The following C5 variants were observed in gnomAD, a reference collection of about 807,000 sequenced individuals.
C5 encodes the protein complement C5, also known as C3 and PZP-like alpha-2-macroglobulin domain-containing protein 4.
C5 carries 140 observed loss-of-function variants against 218.8 expected under a neutral mutation model. The observed-to-expected ratio is 0.64, with a 90% confidence interval of 0.56 to 0.74. C5 has a LOEUF of 0.74. Among genes scored for constraint, C5 ranks in the 30% least tolerant of loss-of-function variants. The pLI is 0.00. For synonymous variants in C5, 614 were observed against 682.3 expected, an observed-to-expected ratio of 0.90 and a Z score of 1.56; for missense variants, 1,700 against 1,969.6, an observed-to-expected ratio of 0.86 and a Z score of 2.59.
chr9:120,979,271 C>T (rs1205564934), intron 28 of C5, among the ~76,000 whole-genome samples: 1 of 152,180 alleles, frequency 6.6e-6, no homozygotes, highest in East Asian at 1.9e-4. Context: ...GCTTCTTCAC[C>T]TCCTTTCAGC....
At chr9:121,015,695 A>G (rs1418061325) in intron 15 of C5, among the ~76,000 whole-genome samples, 1 of 152,224 alleles carries the variant, frequency 6.6e-6, no homozygotes, top group East Asian at 1.9e-4. Context: ...TGATTAAGGT[A>G]TGGTTACTAT....
chr9:121,041,360 A>G (rs2047578965), intron 3 of C5, among the ~76,000 whole-genome samples: 1 of 121,710 alleles, frequency 8.2e-6, no homozygotes, highest in Middle Eastern at 6.2e-3. Flanking sequence ...GCTGGAGTGC[A>G]GTGGCTTGAT....
chr9:121,005,605 G>C (rs577818670), intron 20 of C5, among the ~76,000 whole-genome samples: 1 of 152,250 alleles, frequency 6.6e-6, no homozygotes, highest in South Asian at 2.1e-4. Context: ...GGAAATCAAG[G>C]AACTCTGAGT....
chr9:120,964,958 G>C lies in C5; in HGVS notation c.4221-1220C>G, dbSNP rs2046855858. Among the ~76,000 whole-genome samples the C allele has an allele frequency of 2.6e-5, 4 of 152,192 alleles. No individual in the cohort carries two copies. In the South Asian group the frequency reaches 8.3e-4, roughly 32 times the overall value. Reference sequence around the variant, plus strand: ...AAAGAGACAGGCTGGCGGGGCTGAGGCTGGGGCAGAGACAGACGGAGTGTG... The same window carrying C: ...AAAGAGACAGGCTGGCGGGGCTGAGCCTGGGGCAGAGACAGACGGAGTGTG... On this transcript the variant is annotated intron_variant, in intron 33 of 40. Coordinates refer to ENST00000223642, the MANE Select transcript of C5 (RefSeq NM_001735.3).
At chr9:120,969,028 A>G in intron 33 of C5, 33 bp downstream of exon 33, 4 of 1,570,678 alleles carry the variant, frequency 2.5e-6, no homozygotes, top group Non-Finnish European at 3.5e-6. Context: ...GAGAACTTGG[A>G]GTCTATGCTC....
intron 22 of C5, among the ~76,000 whole-genome samples, chr9:120,993,436 T>TA (rs1488769341): frequency 9.3e-5 from 14 of 151,316 alleles, no homozygotes; most frequent in Non-Finnish European, 1.9e-4. Context: ...TATATATATA[T>TA]TTTTGAGACG....
intron 25 of C5, among the ~76,000 whole-genome samples, chr9:120,988,116 T>A (rs1035762721): frequency 6.6e-6 from 1 of 152,204 alleles, no homozygotes; most frequent in Non-Finnish European, 1.5e-5. Context: ...TAGACTGCCA[T>A]ATGGACTCTT....
chr9:120,959,947 G>A (rs2046814690), intron 38 of C5, among the ~76,000 whole-genome samples: 1 of 152,082 alleles, frequency 6.6e-6, no homozygotes, highest in Non-Finnish European at 1.5e-5. Context: ...TACCTCTGTG[G>A]CTTCTCAAAA....
chr9:121,070,224 G>C, the C5 span, among the ~76,000 whole-genome samples: 4 of 151,854 alleles, frequency 2.6e-5, no homozygotes, highest in Middle Eastern at 0.01. Context: ...GGGTATGTTG[G>C]CAGGCGCCTC....
At chr9:120,993,462 G>A (rs911034825) in intron 22 of C5, among the ~76,000 whole-genome samples, 3 of 151,936 alleles carry the variant, frequency 2.0e-5, no homozygotes, top group Non-Finnish European at 2.9e-5. Context: ...TCGCTCTGTC[G>A]CCCAGGCTGG....
chr9:121,001,225 T>C (rs939607779), intron 20 of C5, among the ~76,000 whole-genome samples: 1 of 152,174 alleles, frequency 6.6e-6, no homozygotes, highest in East Asian at 1.9e-4. Context: ...TCTTCAACTA[T>C]GAAATAGATA....
chr9:120,961,362 G>C, intron 37 of C5, 120 bp downstream of exon 37: 1 of 719,800 alleles, frequency 1.4e-6, no homozygotes, highest in South Asian at 1.5e-5. Flanking sequence ...AATTAGCTGA[G>C]ATAGCATTTC....
chr9:120,973,619 T>C (rs1305196435), intron 30 of C5, among the ~76,000 whole-genome samples: 1 of 152,258 alleles, frequency 6.6e-6, no homozygotes, highest in Non-Finnish European at 1.5e-5. Context: ...CATATATCTA[T>C]GTCTATGTTT....
intron 3 of C5, among the ~76,000 whole-genome samples, chr9:121,041,901 C>T (rs2131816881): frequency 6.6e-6 from 1 of 152,300 alleles, no homozygotes; most frequent in East Asian, 1.9e-4. Flanking sequence ...GCAATATCTC[C>T]ACCCCCTTTA....
At chr9:121,025,691 G>T in intron 8 of C5, 111 bp from the exon 9 acceptor site, 1 of 1,042,814 alleles carries the variant, frequency 9.6e-7, no homozygotes, top group Non-Finnish European at 1.5e-6. Flanking sequence ...TCAGAAGAAT[G>T]GTTTAGTGTC....
intron 32 of C5, among the ~76,000 whole-genome samples, chr9:120,969,802 A>G (rs1321244765): frequency 6.6e-6 from 1 of 152,210 alleles, no homozygotes; most frequent in Non-Finnish European, 1.5e-5. Flanking sequence ...GTGATAAGAG[A>G]ATTCAAGGTC....
chr9:120,962,972 G>A lies in C5; in HGVS notation c.4324-5C>T. The A allele has an allele frequency of 6.2e-7, 1 of 1,609,854 alleles. No individual in the cohort carries two copies. The highest frequency in any genetic ancestry group is 1.1e-5 in the South Asian group (1 of 90,986). On this transcript the variant is annotated splice_polypyrimidine_tract_variant and splice_region_variant and intron_variant, in intron 34 of 40. Coordinates refer to ENST00000223642, the MANE Select transcript of C5 (RefSeq NM_001735.3). ...TTGATCCACCCCTTCCACAAGCTAA[G>A]GGGGAAAAGAGAGAAGCTTGAATTT...
In C5 at chr9:120,963,697, T is replaced by C; in HGVS notation, c.4262A>G (p.His1421Arg). 3 of 1,613,812 alleles carry C rather than the reference T, an allele frequency of 1.9e-6. No individual in the cohort carries two copies. The highest frequency in any genetic ancestry group is 2.5e-6 in the Non-Finnish European group (3 of 1,179,758). The change falls in exon 34 of 41, where the codon CAT becomes CGT. Residue 1421 changes from histidine to arginine, a missense_variant. By Grantham distance (29) the His-to-Arg change is conservative. Coordinates refer to ENST00000223642, the MANE Select transcript of C5 (RefSeq NM_001735.3). The stretch of plus-strand genomic sequence containing the variant: ...AGGCAAGGAGATGTCCATCACCGCA[T>C]GAGAGGATCCAGATGATGATTCTTC... ...SREESSSGSS[H>R]AVMDISLPTG...
intron 38 of C5, among the ~76,000 whole-genome samples, chr9:120,958,564 T>G (rs1235827419): frequency 6.7e-6 from 1 of 150,098 alleles, no homozygotes; most frequent in Non-Finnish European, 1.5e-5. Flanking sequence ...GGCAGCTTTT[T>G]AGCTTTTTTT....
Sources: gnomAD v4.1 joint callset for allele counts (sites outside exome capture counted in the v4.1 genomes callset) on GRCh38, gnomAD v4.1.1 for gene constraint, MANE v1.5 for transcripts, NCBI Gene and HGNC (gene_info 2026-07-23, HGNC 2026-07-21) for gene names.